Variants in HS3ST1 observed in about 807,000 individuals in gnomAD.
HS3ST1 encodes the protein heparan sulfate-glucosamine 3-sulfotransferase 1.
In HS3ST1, 8 loss-of-function variants were observed where a neutral mutation model predicts 20.7. That is an observed-to-expected ratio of 0.39 (90% CI 0.23 to 0.70). The LOEUF is 0.70. Among genes scored for constraint, HS3ST1 ranks in the 30% least tolerant of loss-of-function variants. The probability of loss-of-function intolerance (pLI) is 0.46; values close to 1 mark genes in which losing one functional copy is unlikely to be tolerated. For missense variants in HS3ST1, 436 were observed against 423.4 expected, an observed-to-expected ratio of 1.03 and a Z score of -0.26; for synonymous variants, 205 against 190.4, an observed-to-expected ratio of 1.08 and a Z score of -0.63.
intron 1 of HS3ST1, among the ~76,000 whole-genome samples, chr4:11,403,193 TTGTG>T (rs1223124751): frequency 5.3e-5 from 8 of 152,234 alleles, no homozygotes; most frequent in Non-Finnish European, 1.0e-4. Context: ...ACATATGTGT[TTGTG>T]TGTGTAAATG....
intron 1 of HS3ST1, among the ~76,000 whole-genome samples, chr4:11,412,781 A>G (rs1447526693): frequency 2.0e-5 from 3 of 152,238 alleles, no homozygotes; most frequent in African/African-American, 7.2e-5. Flanking sequence ...AACCATTACT[A>G]GAATGAAACA....
chr4:11,410,462 A>G (rs1433495444), intron 1 of HS3ST1, among the ~76,000 whole-genome samples: 1 of 152,216 alleles, frequency 6.6e-6, no homozygotes. Context: ...AGAAAAAGCC[A>G]AATGGGGTAC....
chr4:11,411,154 T>C (rs1264217056), intron 1 of HS3ST1, among the ~76,000 whole-genome samples: 2 of 152,182 alleles, frequency 1.3e-5, no homozygotes, highest in Non-Finnish European at 1.5e-5. Context: ...GAGTGCTTAG[T>C]ATTGCCAGGC....
chr4:11,409,413 C>T (rs536728906), intron 1 of HS3ST1, among the ~76,000 whole-genome samples: 5 of 147,940 alleles, frequency 3.4e-5, no homozygotes, highest in African/African-American at 1.0e-4. Context: ...TTTAGATGAT[C>T]GGATTTCCAT....
chr4:11,431,739 G>A (rs1187165986), upstream of HS3ST1, among the ~76,000 whole-genome samples: 1 of 152,150 alleles, frequency 6.6e-6, no homozygotes, highest in African/African-American at 2.4e-5. Flanking sequence ...ATGAGTTTGG[G>A]CAATAATCAG....
chr4:11,426,520 G>A (rs991568916), intron 1 of HS3ST1, among the ~76,000 whole-genome samples: 8 of 152,090 alleles, frequency 5.3e-5, no homozygotes, highest in Middle Eastern at 6.3e-3. Flanking sequence ...TGCTTTTTCC[G>A]ATGCCATCTC....
intron 1 of HS3ST1, among the ~76,000 whole-genome samples, chr4:11,424,744 T>G (rs560695716): frequency 5.3e-5 from 8 of 152,156 alleles, no homozygotes; most frequent in Non-Finnish European, 8.8e-5. Context: ...AACACTCCAA[T>G]GTCCCTGTGC....
chr4:11,408,245 G>A (rs1225001210), intron 1 of HS3ST1, among the ~76,000 whole-genome samples: 1 of 152,128 alleles, frequency 6.6e-6, no homozygotes, highest in Non-Finnish European at 1.5e-5. Flanking sequence ...TATTTACTGT[G>A]AGGATTAAAT....
upstream of HS3ST1, among the ~76,000 whole-genome samples, chr4:11,430,172 T>C (rs544800741): frequency 3.9e-5 from 6 of 152,322 alleles, no homozygotes; most frequent in East Asian, 1.2e-3. Context: ...TTCTGTCTTT[T>C]TGATACAGCC....
rs1034202294 is a variant in HS3ST1, at chr4:11,399,114, C to T, written c.892G>A (p.Glu298Lys). Residue 298 changes from glutamate to lysine, a missense_variant, in exon 2 of 2, where the codon GAG becomes AAG. Glu to Lys is a moderately conservative substitution (Grantham distance 56, BLOSUM62 1). Transcript: ENST00000002596. This position sits in a 1 kb window ranked among gnomAD's most constrained non-coding sequence, Gnocchi z 5.1. ...CAGTCAAATGTTCTGCCAACAAGCT[C>T]GAAGAACTTCTTATTTGGCTCATGA... The part of the protein sequence containing the change: ...YFHEPNKKFF[E>K]LVGRTFDWH 1.1e-5 allele frequency: 17 copies of T among 1,613,494 alleles called. No individual in the cohort carries two copies. Among genetic ancestry groups the T allele is most frequent in the East Asian group, 6.7e-5 (3 of 44,878 alleles).
chr4:11,395,930 C>G lies in HS3ST1; in HGVS notation c.*3152G>C, dbSNP rs1212305526. 2 of 152,204 alleles carry G rather than the reference C, an allele frequency of 1.3e-5. No homozygotes were observed. Among genetic ancestry groups the G allele is most frequent in the Non-Finnish European group, 2.9e-5 (2 of 68,046 alleles). The allele number at this position is 152,204 out of a possible 1,614,324, so 9.4% of individuals were successfully genotyped here. ...GTCTTTGCCTTTGTACTCCAAGACC[C>G]TCTGTACTTTTATTAAAGTCCAGAA... On this transcript the variant is annotated 3_prime_UTR_variant, in exon 2 of 2. Coordinates refer to ENST00000002596, the MANE Select transcript of HS3ST1 (RefSeq NM_005114.4).
chr4:11,425,873 T>C (rs950614846), intron 1 of HS3ST1, among the ~76,000 whole-genome samples: 1 of 152,148 alleles, frequency 6.6e-6, no homozygotes, highest in Non-Finnish European at 1.5e-5. Flanking sequence ...AGCACTCTCC[T>C]GCCTTCTGCC....
intron 1 of HS3ST1, among the ~76,000 whole-genome samples, chr4:11,411,775 T>C (rs956983030): frequency 2.0e-5 from 3 of 152,210 alleles, no homozygotes; most frequent in Admixed American, 1.3e-4. Flanking sequence ...TATTATTACT[T>C]AAGTAATGTC....
chr4:11,399,904 C>A lies in HS3ST1; in HGVS notation c.102G>T (p.Ala34=). The A allele has an allele frequency of 6.2e-7, 1 of 1,607,796 alleles. No homozygotes were observed. The highest frequency in any genetic ancestry group is 2.2e-5 in the East Asian group (1 of 44,644). The stretch of plus-strand genomic sequence containing the variant: ...CGCGGACGTCATCCTGGAGGGTCCC[C>A]GCTTTCCGCAGAAGCTCCTGCTGGC... ...ELGQQELLRK[A]GTLQDDVRDG... The change falls in exon 2 of 2, where the codon GCG becomes GCT. Residue 34 remains alanine (A), a synonymous_variant. Coordinates refer to ENST00000002596, the MANE Select transcript of HS3ST1 (RefSeq NM_005114.4). This position sits in a 1 kb window ranked among gnomAD's most constrained non-coding sequence, Gnocchi z 5.1.
intron 1 of HS3ST1, among the ~76,000 whole-genome samples, chr4:11,402,696 G>A (rs1718356792): frequency 6.6e-6 from 1 of 152,182 alleles, no homozygotes; most frequent in Non-Finnish European, 1.5e-5. Context: ...ATAGTTCCAT[G>A]TTCAGACTCA....
rs142506946 is a variant in HS3ST1, at chr4:11,414,466, G to C, written c.-109+14233C>G. 3.1e-3 allele frequency among the ~76,000 whole-genome samples: 468 copies of C among 152,246 alleles called. 2 individuals carry two copies. The highest frequency in any genetic ancestry group is 0.011 in the African/African-American group (451 of 41,532). On this transcript the variant is annotated intron_variant, in intron 1 of 1. Coordinates refer to ENST00000002596, the MANE Select transcript of HS3ST1 (RefSeq NM_005114.4). ...CCTGAAATGTTCTAGCCCATAGCAT[G>C]GTACCATAAAGATGAGTTTTCAGAG...
At chr4:11,424,635 A>G (rs1159165796) in intron 1 of HS3ST1, among the ~76,000 whole-genome samples, 27 of 152,204 alleles carry the variant, frequency 1.8e-4, no homozygotes, top group Admixed American at 1.8e-3. Context: ...CCAGAGGCAC[A>G]TCAAGATGGT....
intron 1 of HS3ST1, among the ~76,000 whole-genome samples, chr4:11,403,117 A>G (rs1718372146): frequency 6.6e-6 from 1 of 152,246 alleles, no homozygotes; most frequent in Admixed American, 6.5e-5. Context: ...TACTATATAT[A>G]GCATATATAT....
At position 11,426,365 on chromosome 4, in the gene HS3ST1, C is replaced by CA. The variant is rs375209848; in HGVS notation, c.-109+2333_-109+2334insT. 1.4e-4 allele frequency among the ~76,000 whole-genome samples: 20 copies of CA among 141,498 alleles called. No individual in the cohort carries two copies. In the East Asian group the frequency reaches 2.9e-3, roughly 21 times the overall value. The allele number at this position is 141,498 out of a possible 152,430, so 92.8% of individuals were successfully genotyped here. A position where few individuals can be genotyped will look rare whatever the true frequency, so the allele number is the denominator to read the frequency against. On this transcript the variant is annotated intron_variant, in intron 1 of 1. Transcript: ENST00000002596. ...CCATGTGGCTTTTCCCTTCAGAGGC[C>CA]CCCCCCCCAACCCTCACAAGATTTT...
Sources: gnomAD v4.1 joint callset for allele counts (sites outside exome capture counted in the v4.1 genomes callset) on GRCh38, gnomAD v4.1.1 for gene constraint, Gnocchi (gnomAD v3.1) non-coding constraint, MANE v1.5 for transcripts, NCBI Gene and HGNC (gene_info 2026-07-23, HGNC 2026-07-21) for gene names.